WBP11: variants seen among roughly 807,000 people sequenced by gnomAD.
The protein encoded by WBP11 is WW domain binding protein 11, also known as WW domain-binding protein 11.
Under a neutral mutation model 66.7 loss-of-function variants are expected in WBP11, and 12 were observed. The ratio of observed to expected loss-of-function variants is 0.18; its 90% CI spans 0.12 to 0.29. WBP11 has a LOEUF of 0.29. Among genes scored for constraint, WBP11 ranks in the 10% least tolerant of loss-of-function variants. The probability of loss-of-function intolerance (pLI) is 1.00; values close to 1 mark genes in which losing one functional copy is unlikely to be tolerated. For missense variants in WBP11, 555 were observed against 818.3 expected (o/e 0.68, Z 3.93); for synonymous variants, 255 against 273.8 (o/e 0.93, Z 0.68).
chr12:14,797,034 T>TA (rs1949901555), intron 4 of WBP11, 31 bp from the exon 5 acceptor site: 2 of 1,533,168 alleles, frequency 1.3e-6, no homozygotes, highest in Non-Finnish European at 8.7e-7. Flanking sequence ...TGGAATTAAA[T>TA]ATAAGAGGCC....
intron 8 of WBP11, among the ~76,000 whole-genome samples, chr12:14,792,453 GTAAAAACTCAATAAATATTAGCT>G: frequency 7.1e-6 from 1 of 141,472 alleles, no homozygotes; most frequent in Middle Eastern, 3.6e-3. Context: ...GCCGTATATA[GTAAAAACTCAATAAATATTAGCT>G]GAGTGAGTAT....
At position 14,793,845 on chromosome 12, in the gene WBP11, G is replaced by A. The variant is rs770665302; in HGVS notation, c.799C>T (p.His267Tyr). Residue 267 changes from histidine (H) to tyrosine (Y), a missense_variant, in exon 8 of 12, where the codon CAT becomes TAT. His to Tyr is a moderately conservative substitution (Grantham distance 83). This residue lies in a region of WBP11 where 220 missense variants were observed against 268.2 expected (regional missense o/e 0.82). Transcript: ENST00000261167. The stretch of plus-strand genomic sequence containing the variant: ...TCACTGTCATCAGTACTGTCATCAT[G>A]CTTATCTTGATCCATGTCCTCAGGA... ...GYPEDMDQDKHDDSTDDSDTD... is the reference protein window; with the variant it reads ...GYPEDMDQDKYDDSTDDSDTD... 2.4e-5 allele frequency: 38 copies of A among 1,613,710 alleles called. No homozygotes were observed. Among genetic ancestry groups the A allele is most frequent in the Non-Finnish European group, 3.2e-5 (38 of 1,179,946 alleles).
In WBP11 at chr12:14,794,422, T is replaced by C. The variant is rs74068126; in HGVS notation, c.721+115A>G. ...TATCCAACTGTATGTATATTAGTTA[T>C]GTACATGATACCCTCTCATTTACTT... is the stretch of plus-strand genomic sequence containing the variant. On this transcript the variant is annotated intron_variant, in intron 7 of 11. Transcript: ENST00000261167. The C allele has an allele frequency of 2.7e-3, 3,080 of 1,122,050 alleles. 40 individuals carry two copies. The African/African-American group carries it at 0.038, about 14-fold the overall frequency. 69.5% of individuals were successfully genotyped at this position (1,122,050 alleles called of 1,614,324 possible).
intron 1 of WBP11, chr12:14,801,868 A>G (rs1949968241): frequency 6.3e-6 from 1 of 157,842 alleles, no homozygotes; most frequent in Non-Finnish European, 1.4e-5. Flanking sequence ...TCTAGGCTCA[A>G]AACACATACC....
chr12:14,793,769 T>A lies in WBP11; in HGVS notation c.875A>T (p.Asp292Val). 6.2e-7 allele frequency: 1 copy of A among 1,614,098 alleles called. No homozygotes were observed. The highest frequency in any genetic ancestry group is 8.5e-7 in the Non-Finnish European group (1 of 1,179,990). The stretch of plus-strand genomic sequence containing the variant: ...TTCATTGTTGTCTCTCTCACCATTA[T>A]CACGGTGCACAAATTCATCCCCGTC... ...ESDGDEFVHR[D>V]NGERDNNEEK... Residue 292 changes from aspartate (D) to valine (V), a missense_variant, in exon 8 of 12, where the codon GAT (aspartate) becomes GTT (valine). Physicochemically the swap from Asp to Val is radical, Grantham distance 152 (BLOSUM62 -3). Around this residue, in one of 6 missense-constraint regions of WBP11, gnomAD observed 220 missense variants for 268.2 expected, o/e 0.82. Coordinates refer to ENST00000261167, the MANE Select transcript of WBP11 (RefSeq NM_016312.3).
intron 10 of WBP11, 91 bp from the exon 11 acceptor site, chr12:14,789,224 T>C: frequency 8.4e-7 from 1 of 1,187,344 alleles, no homozygotes; most frequent in Middle Eastern, 2.7e-4. Flanking sequence ...GGTTTGACTT[T>C]AACCTGAAAT....
chr12:14,797,319 C>T (rs201122745), intron 4 of WBP11, among the ~76,000 whole-genome samples: 2 of 152,130 alleles, frequency 1.3e-5, no homozygotes, highest in Non-Finnish European at 1.5e-5. Flanking sequence ...TTACCTACTA[C>T]GTTAGTCCTG....
intron 8 of WBP11, 130 bp from the exon 9 acceptor site, chr12:14,791,400 C>A (rs1949820653): frequency 4.8e-6 from 3 of 625,334 alleles, no homozygotes; most frequent in Non-Finnish European, 5.6e-6. Context: ...GATGAGATAG[C>A]TATACTAATG....
chr12:14,791,275 G>C lies in WBP11; in HGVS notation c.914-5C>G. 6.2e-7 allele frequency: 1 copy of C among 1,613,506 alleles called. No individual in the cohort carries two copies. On this transcript the variant is annotated splice_region_variant and splice_polypyrimidine_tract_variant and intron_variant, in intron 8 of 11. Transcript: ENST00000261167. ...CTGCAAACCGTACACTCAGACCTAA[G>C]GGGACAAAGGAGGGAGTGGAGTAGA...
At chr12:14,801,048 CTCGCAAAACTAATTTGCTCAAAATT>C in intron 2 of WBP11, 1 of 456,996 alleles carries the variant, frequency 2.2e-6, no homozygotes, top group Non-Finnish European at 3.8e-6. Flanking sequence ...GAAACAAGGG[CTCGCAAAACTAATTTGCTCAAAATT>C]TCCAATATAA....
chr12:14,798,662 T>C (rs71532842), intron 4 of WBP11, among the ~76,000 whole-genome samples: 3,987 of 152,286 alleles, frequency 0.026, 64 homozygotes, highest in Middle Eastern at 0.082. Flanking sequence ...AACCTTGTAA[T>C]AGCCTAATGC....
intron 4 of WBP11, among the ~76,000 whole-genome samples, chr12:14,797,402 G>A (rs1439339575): frequency 2.6e-5 from 4 of 152,140 alleles, no homozygotes; most frequent in African/African-American, 4.8e-5. Flanking sequence ...AAATGGAGAC[G>A]TTAATCACTT....
In WBP11 at chr12:14,787,380, T is replaced by C. The variant is rs113714074; in HGVS notation, c.1611A>G (p.Pro537=). The change falls in exon 12 of 12, where the codon CCA becomes CCG. Residue 537 remains proline, a synonymous_variant. Coordinates refer to ENST00000261167, the MANE Select transcript of WBP11 (RefSeq NM_016312.3). ...PLPNPGVLSA[P]PNLIQRPKAD... ...CCTTGGGTCGCTGAATCAAGTTGGGTGGGGCACTTAAAACCCCAGGGTTTG... is the reference window on the plus strand; with the variant it reads ...CCTTGGGTCGCTGAATCAAGTTGGGCGGGGCACTTAAAACCCCAGGGTTTG... 6.2e-7 allele frequency: 1 copy of C among 1,600,548 alleles called. No individual in the cohort carries two copies. Among genetic ancestry groups the C allele is most frequent in the South Asian group, 1.1e-5 (1 of 89,460 alleles).
chr12:14,790,881 A>C, intron 9 of WBP11, 132 bp from the exon 10 acceptor site: 1 of 885,180 alleles, frequency 1.1e-6, no homozygotes, highest in Non-Finnish European at 1.7e-6. Flanking sequence ...TCTTCAATAA[A>C]ATACTTAGAT....
intron 4 of WBP11, 159 bp downstream of exon 4, chr12:14,799,476 C>A: frequency 1.5e-6 from 1 of 647,522 alleles, no homozygotes; most frequent in Non-Finnish European, 2.5e-6. Flanking sequence ...TGCAACAGCC[C>A]TCTAGCACTC....
chr12:14,789,441 C>T (rs891139085), intron 10 of WBP11, among the ~76,000 whole-genome samples: 4 of 151,978 alleles, frequency 2.6e-5, no homozygotes, highest in East Asian at 1.9e-4. Context: ...AAAAATTAGC[C>T]GGGCATGGTG....
chr12:14,794,609 G>C lies in WBP11; in HGVS notation c.649C>G (p.Arg217Gly). Residue 217 changes from arginine to glycine, a missense_variant, in exon 7 of 12, where the codon CGT becomes GGT. Physicochemically the swap from Arg to Gly is moderately radical, Grantham distance 125. Transcript: ENST00000261167. ...PPPQVVQMYG[R>G]KVGFALDLPP... ...AGATCTAGGGCAAAACCCACTTTAC[G>C]GCCATACATCTGCACGACTTGAGGA... 1 of 1,613,902 alleles carries C rather than the reference G, an allele frequency of 6.2e-7. No individual in the cohort carries two copies. Among genetic ancestry groups the C allele is most frequent in the Non-Finnish European group, 8.5e-7 (1 of 1,179,978 alleles).
chr12:14,794,445 C>A (rs1474521401), intron 7 of WBP11, 92 bp downstream of exon 7: 1 of 1,404,986 alleles, frequency 7.1e-7, no homozygotes, highest in Non-Finnish European at 1.0e-6. Flanking sequence ...CTCTCATTTA[C>A]TTTCTAAGTT....
chr12:14,789,021 T>A lies in WBP11; in HGVS notation c.1422A>T (p.Pro474=). Residue 474 remains proline (P), a synonymous_variant, in exon 11 of 12, where the codon CCA becomes CCT. Coordinates refer to ENST00000261167, the MANE Select transcript of WBP11 (RefSeq NM_016312.3). ...PGRPPGPPPG[P]PPGLPPGPPP... is the part of the protein sequence containing the mutation. ...GGGGACCAGGAGGCAGACCTGGAGG[T>A]GGACCTGGGGGAGGGCCAGGGGGTC... 6.7e-7 allele frequency: 1 copy of A among 1,484,002 alleles called. No individual in the cohort carries two copies. The allele number at this position is 1,484,002 out of a possible 1,614,324, so 91.9% of individuals were successfully genotyped here.
Sources: allele counts gnomAD v4.1 joint callset (sites outside exome capture counted in the v4.1 genomes callset), GRCh38; gene constraint gnomAD v4.1.1; regional missense constraint gnomAD v4.1.1; transcripts MANE v1.5; gene names NCBI Gene and HGNC (gene_info 2026-07-23, HGNC 2026-07-21).